The following PLAT variants were observed in gnomAD, a reference collection of about 807,000 sequenced individuals.
PLAT encodes the protein tissue-type plasminogen activator.
Under a neutral mutation model 74.9 loss-of-function variants are expected in PLAT, and 48 were observed. The observed-to-expected ratio is 0.64, with a 90% CI of 0.51 to 0.82. The LOEUF is 0.82. PLAT is among the 40% of genes least tolerant of loss of function. PLAT has a pLI of 0.00. For missense variants in PLAT, 673 were observed against 736.2 expected (o/e 0.91, Z 0.99); for synonymous variants, 307 against 294.4 (o/e 1.04, Z -0.44).
chr8:42,188,863 G>T, intron 4 of PLAT, 71 bp downstream of exon 4: 2 of 1,375,360 alleles, frequency 1.5e-6, no homozygotes, highest in South Asian at 2.4e-5. Context: ...GGGCTCCAGC[G>T]ACCCTCCCAC....
intron 1 of PLAT, among the ~76,000 whole-genome samples, chr8:42,201,224 C>T (rs1806117180): frequency 6.6e-6 from 1 of 152,244 alleles, no homozygotes; most frequent in Admixed American, 6.5e-5. Context: ...AATCTAACTG[C>T]ATTTACAGCA....
At chr8:42,177,177 G>A (rs931508168) in intron 13 of PLAT, among the ~76,000 whole-genome samples, 1 of 152,266 alleles carries the variant, frequency 6.6e-6, no homozygotes, top group Admixed American at 6.5e-5. Flanking sequence ...GGCTGGTCTC[G>A]AACTCCTGAC....
chr8:42,176,176 C>A, intron 13 of PLAT, 25 bp from the exon 14 acceptor site: 1 of 1,589,428 alleles, frequency 6.3e-7, no homozygotes, highest in Non-Finnish European at 8.6e-7. Context: ...GCAGGTTTGG[C>A]GTTTGCAAAA....
chr8:42,187,318 C>A, intron 6 of PLAT, 80 bp downstream of exon 6: 1 of 1,293,798 alleles, frequency 7.7e-7, no homozygotes, highest in East Asian at 2.4e-5. Context: ...TTGGGAGAAC[C>A]CTGACGGATC....
intron 1 of PLAT, among the ~76,000 whole-genome samples, chr8:42,205,874 C>T (rs1011010488): frequency 2.0e-5 from 3 of 152,196 alleles, no homozygotes; most frequent in African/African-American, 7.2e-5. Flanking sequence ...ATTGACAGAC[C>T]TGTCTCAGAT....
intron 13 of PLAT, among the ~76,000 whole-genome samples, chr8:42,177,890 C>T (rs1377285832): frequency 1.3e-5 from 2 of 152,174 alleles, no homozygotes; most frequent in Non-Finnish European, 2.9e-5. Context: ...AGCACCAGAG[C>T]CTGGCCTCAC....
At position 42,182,515 on chromosome 8, in the gene PLAT, G is replaced by T. The variant is rs897530124; in HGVS notation, c.803+204C>A. On this transcript the variant is annotated intron_variant, in intron 8 of 13. Transcript: ENST00000220809. ...GTTACAGGCCAGGACCCTTAACTTGGGATTTAGGTTGGAAAACTGGTAGAC... is the reference window on the plus strand; with the variant it reads ...GTTACAGGCCAGGACCCTTAACTTGTGATTTAGGTTGGAAAACTGGTAGAC... The T allele has an allele frequency of 1.0e-5, 5 of 477,176 alleles. No homozygotes were observed. In the Admixed American group the frequency reaches 1.5e-4, roughly 15 times the overall value. The allele number at this position is 477,176 out of a possible 1,614,324, so 29.6% of individuals were successfully genotyped here. A position where few individuals can be genotyped will look rare whatever the true frequency, so the allele number is the denominator to read the frequency against.
chr8:42,191,661 C>T (rs545868426), intron 2 of PLAT, among the ~76,000 whole-genome samples: 8 of 152,058 alleles, frequency 5.3e-5, no homozygotes, highest in African/African-American at 7.2e-5. Flanking sequence ...GTGCTGTCCA[C>T]GACAGAAGCC....
intron 8 of PLAT, 76 bp downstream of exon 8, chr8:42,182,643 A>T: frequency 1.7e-6 from 2 of 1,147,372 alleles, no homozygotes; most frequent in South Asian, 3.0e-5. Flanking sequence ...AACTTGAGAC[A>T]TTGGATCTTC....
chr8:42,191,537 G>A lies in PLAT; in HGVS notation c.73-123C>T, dbSNP rs1237154424. On this transcript the variant is annotated intron_variant, in intron 2 of 13. Transcript: ENST00000220809. ...GATACCTCTGCTCAGAGACCCCCTC[G>A]GGTAACTGGCCCAAGTGAAAGTCCA... 1.6e-5 allele frequency: 13 copies of A among 797,268 alleles called. No individual in the cohort carries two copies. The Admixed American group carries it at 2.4e-4, about 15-fold the overall frequency. The allele number at this position is 797,268 out of a possible 1,614,324, so 49.4% of individuals were successfully genotyped here. A position where few individuals can be genotyped will look rare whatever the true frequency, so the allele number is the denominator to read the frequency against.
At chr8:42,188,858 C>T (rs1012186975) in intron 4 of PLAT, 76 bp downstream of exon 4, 32 of 1,342,846 alleles carry the variant, frequency 2.4e-5, no homozygotes, top group African/African-American at 4.3e-5. Flanking sequence ...CTCCCGGGCT[C>T]CAGCGACCCT....
intron 13 of PLAT, among the ~76,000 whole-genome samples, chr8:42,177,329 T>A (rs558474066): frequency 1.2e-4 from 19 of 152,270 alleles, no homozygotes; most frequent in Admixed American, 5.2e-4. Flanking sequence ...AGTTGCAGTT[T>A]CTAAGAACCT....
intron 1 of PLAT, among the ~76,000 whole-genome samples, chr8:42,202,363 G>A (rs997246345): frequency 2.0e-5 from 3 of 151,922 alleles, no homozygotes; most frequent in Non-Finnish European, 4.4e-5. Flanking sequence ...TGGGTTATCG[G>A]GTTTAGCATC....
At chr8:42,180,408 T>A in intron 10 of PLAT, 30 bp from the exon 11 acceptor site, 1 of 1,613,992 alleles carries the variant, frequency 6.2e-7, no homozygotes, top group South Asian at 1.1e-5. Context: ...AGAATGCTTT[T>A]TTTGCTGTGG....
intron 4 of PLAT, 24 bp downstream of exon 4, chr8:42,188,910 C>T: frequency 1.3e-6 from 2 of 1,599,132 alleles, no homozygotes; most frequent in Non-Finnish European, 1.7e-6. Context: ...CAGGCATGCA[C>T]CACCTCCCAG....
intron 1 of PLAT, among the ~76,000 whole-genome samples, chr8:42,203,112 G>A (rs1806197766): frequency 6.6e-6 from 1 of 152,110 alleles, no homozygotes; most frequent in Non-Finnish European, 1.5e-5. Context: ...ATTCTCTAAT[G>A]CCTAGCTGTA....
At chr8:42,201,232 G>C (rs1806117450) in intron 1 of PLAT, among the ~76,000 whole-genome samples, 1 of 152,210 alleles carries the variant, frequency 6.6e-6, no homozygotes, top group Admixed American at 6.5e-5. Flanking sequence ...TGCATTTACA[G>C]CACACATTCT....
At chr8:42,185,322 C>T (rs1587932896) in intron 6 of PLAT, 150 bp from the exon 7 acceptor site, 15 of 464,792 alleles carry the variant, frequency 3.2e-5, no homozygotes, top group Admixed American at 4.0e-5. Flanking sequence ...TGGAGTGCAG[C>T]GGCGCATCTC....
chr8:42,190,710 C>T (rs945695477), intron 3 of PLAT, among the ~76,000 whole-genome samples: 2 of 152,136 alleles, frequency 1.3e-5, no homozygotes, highest in East Asian at 1.9e-4. Flanking sequence ...GGAACTGGGT[C>T]GTGAAGGAGG....
Sources: gnomAD v4.1 joint callset for allele counts (sites outside exome capture counted in the v4.1 genomes callset) on GRCh38, gnomAD v4.1.1 for gene constraint, MANE v1.5 for transcripts, NCBI Gene and HGNC (gene_info 2026-07-23, HGNC 2026-07-21) for gene names.